The following NRXN3 variants were observed in gnomAD, a reference collection of about 807,000 sequenced individuals.
NRXN3 encodes neurexin 3.
NRXN3 carries 32 observed loss-of-function variants against 137.6 expected under a neutral mutation model. The observed-to-expected ratio is 0.23, with a 90% CI of 0.18 to 0.31. The LOEUF (loss-of-function observed/expected upper bound fraction) is 0.31, where lower values mean the gene tolerates loss of function less well. Ranked by LOEUF, NRXN3 falls within the 10% of genes least tolerant of loss-of-function variation. The pLI, the probability that NRXN3 is intolerant of heterozygous loss-of-function variation, is 1.00. For missense variants in NRXN3, 1,574 were observed against 2,062.5 expected (o/e 0.76, Z 4.59); for synonymous variants, 798 against 784.5 (o/e 1.02, Z -0.29).
Position 79,772,717 on chromosome 14 carries a change from G to A in NRXN3, c.4015-32395G>A, listed in dbSNP as rs2099082889. Among the ~76,000 whole-genome samples the A allele has an allele frequency of 2.0e-5, 3 of 152,038 alleles. No individual in the cohort carries two copies. In the South Asian group the frequency reaches 6.2e-4, roughly 32 times the overall value. ...ATTACCATTCAGGACATAGGCATGG[G>A]CAAGGACTTCATGTCTAAAACACCA... On this transcript the variant is annotated intron_variant, in intron 19 of 20. Transcript: ENST00000335750.
intron 10 of NRXN3, among the ~76,000 whole-genome samples, chr14:78,820,204 T>A (rs2098946606): frequency 6.7e-6 from 1 of 150,062 alleles, no homozygotes; most frequent in Non-Finnish European, 1.5e-5. Flanking sequence ...TCATTATGCC[T>A]AATATATATA....
intron 4 of NRXN3, among the ~76,000 whole-genome samples, chr14:78,535,465 G>A (rs1009283163): frequency 5.9e-5 from 9 of 152,162 alleles, no homozygotes; most frequent in Non-Finnish European, 1.0e-4. Context: ...TCCTGACTTT[G>A]CCACTTTACT....
intron 19 of NRXN3, among the ~76,000 whole-genome samples, chr14:79,718,805 C>T (rs1278718793): frequency 6.6e-6 from 1 of 152,028 alleles, no homozygotes; most frequent in African/African-American, 2.4e-5. Context: ...TTGTCTATAT[C>T]TATAAAGTAC....
intron 15 of NRXN3, among the ~76,000 whole-genome samples, chr14:79,126,920 G>A (rs1449398141): frequency 6.6e-6 from 1 of 152,154 alleles, no homozygotes; most frequent in Non-Finnish European, 1.5e-5. Flanking sequence ...TTTCTCTGTT[G>A]GCCAGTGATG....
chr14:79,770,257 C>G (rs1230653705), intron 19 of NRXN3, among the ~76,000 whole-genome samples: 1 of 152,108 alleles, frequency 6.6e-6, no homozygotes, highest in Non-Finnish European at 1.5e-5. Context: ...TTGAACTCAG[C>G]TCTGCACCAA....
At chr14:78,544,197 G>A (rs2096617428) in intron 4 of NRXN3, among the ~76,000 whole-genome samples, 1 of 152,194 alleles carries the variant, frequency 6.6e-6, no homozygotes, top group Non-Finnish European at 1.5e-5. Flanking sequence ...TATACCAAAG[G>A]CACCTCTTTG....
At chr14:78,768,672 A>G (rs1722308037) in intron 8 of NRXN3, among the ~76,000 whole-genome samples, 2 of 152,210 alleles carry the variant, frequency 1.3e-5, no homozygotes, top group African/African-American at 2.4e-5. Flanking sequence ...ATATCTTTCT[A>G]TCCTTAAAGG....
chr14:79,205,858 C>G (rs1346146131), intron 15 of NRXN3, among the ~76,000 whole-genome samples: 1 of 152,130 alleles, frequency 6.6e-6, no homozygotes, highest in Non-Finnish European at 1.5e-5. Flanking sequence ...TTAATTTTGC[C>G]TCTATTTCAA....
chr14:79,589,550 T>TAAAAAAAAAA (rs58740411), intron 16 of NRXN3, among the ~76,000 whole-genome samples: 1 of 87,054 alleles, frequency 1.1e-5, no homozygotes, highest in Non-Finnish European at 2.1e-5. Flanking sequence ...GTAGAATACC[T>TAAAAAAAAAA]AAAAAAAAAA....
intron 1 of NRXN3, among the ~76,000 whole-genome samples, chr14:78,236,149 G>A (rs1013048455): frequency 3.3e-5 from 5 of 152,074 alleles, no homozygotes; most frequent in South Asian, 4.1e-4. Context: ...ATAGAGAAAA[G>A]CACATACATT....
At chr14:78,965,294 C>T (rs1210448511) in intron 11 of NRXN3, among the ~76,000 whole-genome samples, 1 of 152,106 alleles carries the variant, frequency 6.6e-6, no homozygotes, top group Non-Finnish European at 1.5e-5. Flanking sequence ...CAGGCCTCAC[C>T]CCAGACTTTT....
chr14:78,858,926 A>T (rs984111051), intron 10 of NRXN3, among the ~76,000 whole-genome samples: 1 of 152,032 alleles, frequency 6.6e-6, no homozygotes, highest in Non-Finnish European at 1.5e-5. Context: ...GTATTCCTAC[A>T]TTTTTCACAG....
chr14:78,281,706 C>A (rs911442002), intron 3 of NRXN3, among the ~76,000 whole-genome samples: 1 of 152,208 alleles, frequency 6.6e-6, no homozygotes, highest in African/African-American at 2.4e-5. Context: ...TCTCTTAACC[C>A]TCCATGTCAG....
Position 79,539,835 on chromosome 14 carries a change from T to G in NRXN3, c.3444+72433T>G, listed in dbSNP as rs1180006573. Among the ~76,000 whole-genome samples, 23 of 152,228 alleles carry G rather than the reference T, an allele frequency of 1.5e-4. 1 individual carries two copies. The highest frequency in any genetic ancestry group is 1.5e-3 in the Admixed American group (23 of 15,282). ...GGCTGTGCATGGACACAGACTCTTC[T>G]GCCCTTCTCTTGCCTGTTCCTTGAT... On this transcript the variant is annotated intron_variant, in intron 16 of 20. Coordinates refer to ENST00000335750, the MANE Select transcript of NRXN3 (RefSeq NM_001330195.2).
At chr14:78,540,948 C>T (rs139851883) in intron 4 of NRXN3, among the ~76,000 whole-genome samples, 99 of 152,278 alleles carry the variant, frequency 6.5e-4, no homozygotes, top group African/African-American at 2.3e-3. Context: ...TATTGGCCTC[C>T]ACTCTCTTCT....
chr14:78,864,000 T>C (rs1364846718), intron 10 of NRXN3, among the ~76,000 whole-genome samples: 1 of 152,178 alleles, frequency 6.6e-6, no homozygotes, highest in Non-Finnish European at 1.5e-5. Context: ...CCTGTGAACA[T>C]ATTGTCTTTG....
intron 19 of NRXN3, among the ~76,000 whole-genome samples, chr14:79,734,854 T>C (rs981871345): frequency 1.3e-5 from 2 of 152,190 alleles, no homozygotes; most frequent in Non-Finnish European, 2.9e-5. Flanking sequence ...CACTCTTGGC[T>C]TCCTTTCTGA....
Position 78,348,805 on chromosome 14 carries a change from G to A in NRXN3, c.757+50945G>A, listed in dbSNP as rs528261597. Reference sequence around the variant, plus strand: ...GTGACTGTAGCACCACGACTTTAGGGGTTTGGAGGTCAGACACCTGAGAAG... The same window carrying A: ...GTGACTGTAGCACCACGACTTTAGGAGTTTGGAGGTCAGACACCTGAGAAG... On this transcript the variant is annotated intron_variant, in intron 4 of 20. Transcript: ENST00000335750. Among the ~76,000 whole-genome samples, 455 of 152,244 alleles carry A rather than the reference G, an allele frequency of 3.0e-3. 5 individuals are homozygous for A. The highest frequency in any genetic ancestry group is 2.6e-3 in the Non-Finnish European group (179 of 68,016).
chr14:79,601,067 T>G (rs1325373692), intron 16 of NRXN3, among the ~76,000 whole-genome samples: 1 of 127,588 alleles, frequency 7.8e-6, no homozygotes, highest in Non-Finnish European at 1.6e-5. Context: ...TTTTTTGAGA[T>G]GGAGTCTCAC....
Sources: allele counts gnomAD v4.1 joint callset (sites outside exome capture counted in the v4.1 genomes callset), GRCh38; gene constraint gnomAD v4.1.1; transcripts MANE v1.5; gene names NCBI Gene and HGNC (gene_info 2026-07-23, HGNC 2026-07-21).